IQCM: variants seen among roughly 807,000 people sequenced by gnomAD.
IQCM encodes IQ motif containing M.
IQCM carries 45 observed loss-of-function variants against 57.6 expected under a neutral mutation model. The ratio of observed to expected loss-of-function variants is 0.78; its 90% CI spans 0.62 to 1.00. IQCM has a LOEUF of 1.00. Ranked by LOEUF, IQCM falls within the 50% of genes least tolerant of loss-of-function variation. The probability of loss-of-function intolerance (pLI) is 0.00; values close to 1 mark genes in which losing one functional copy is unlikely to be tolerated. For missense variants in IQCM, 468 were observed against 511.6 expected, an observed-to-expected ratio of 0.91 and a Z score of 0.82; for synonymous variants, 148 against 158.9, an observed-to-expected ratio of 0.93 and a Z score of 0.51.
intron 2 of IQCM, among the ~76,000 whole-genome samples, chr4:149,748,495 C>CT (rs1028822837): frequency 3.3e-5 from 5 of 152,102 alleles, no homozygotes; most frequent in Non-Finnish European, 7.4e-5. Context: ...AAAATTCTTA[C>CT]TTTTTTTGGC....
chr4:149,686,334 G>A (rs1442669972), intron 6 of IQCM, 44 bp downstream of exon 6: 1 of 934,134 alleles, frequency 1.1e-6, no homozygotes, highest in Non-Finnish European at 1.4e-6. Context: ...TGGCAAAGTA[G>A]AAGAAAATAT....
At chr4:149,726,212 A>G (rs1344911727) in intron 5 of IQCM, among the ~76,000 whole-genome samples, 1 of 152,050 alleles carries the variant, frequency 6.6e-6, no homozygotes, top group African/African-American at 2.4e-5. Context: ...TCCAAATTTG[A>G]TTATTTCACC....
chr4:149,459,027 G>A (rs1737996780), intron 12 of IQCM, among the ~76,000 whole-genome samples: 1 of 152,180 alleles, frequency 6.6e-6, no homozygotes, highest in Non-Finnish European at 1.5e-5. Context: ...CAGTGGGGGT[G>A]TGAATCCCTG....
intron 7 of IQCM, among the ~76,000 whole-genome samples, chr4:149,622,252 G>T (rs1224319738): frequency 6.6e-6 from 1 of 151,838 alleles, no homozygotes; most frequent in African/African-American, 2.4e-5. Flanking sequence ...TCAGTCAAGA[G>T]TCTCTGCACT....
chr4:149,358,192 A>T (rs376140939), intron 13 of IQCM, among the ~76,000 whole-genome samples: 1 of 152,058 alleles, frequency 6.6e-6, no homozygotes, highest in Non-Finnish European at 1.5e-5. Context: ...TTTTCAAAAA[A>T]CCAGCTCCTG....
At chr4:149,529,712 CTG>C (rs1248046839) in intron 12 of IQCM, among the ~76,000 whole-genome samples, 1 of 152,194 alleles carries the variant, frequency 6.6e-6, no homozygotes, top group African/African-American at 2.4e-5. Flanking sequence ...TCATCATACC[CTG>C]TAAACCCACT....
chr4:149,712,945 G>C (rs1253815072), intron 5 of IQCM, among the ~76,000 whole-genome samples: 1 of 152,094 alleles, frequency 6.6e-6, no homozygotes, highest in Non-Finnish European at 1.5e-5. Context: ...GGCCTTATCA[G>C]GAGAAAATGT....
chr4:149,352,099 AT>A (rs1728623243), intron 13 of IQCM, 33 bp from the exon 14 acceptor site: 1 of 398,822 alleles, frequency 2.5e-6, no homozygotes, highest in East Asian at 3.6e-5. Context: ...ACATTAATAT[AT>A]TTTCAATTAA....
intron 12 of IQCM, among the ~76,000 whole-genome samples, chr4:149,508,045 G>A (rs1276919893): frequency 6.6e-6 from 1 of 151,886 alleles, no homozygotes; most frequent in Non-Finnish European, 1.5e-5. Context: ...CTTCCACATG[G>A]TGTTGAACCT....
At position 149,431,559 on chromosome 4, in the gene IQCM, A is replaced by C. The variant is rs142038785; in HGVS notation, c.1390+1837T>G. On this transcript the variant is annotated intron_variant, in intron 13 of 13. Coordinates refer to ENST00000636793, the MANE Select transcript of IQCM (RefSeq NM_001363507.2). ...ATTCTATGGGTTTTGACTTATTTAT[A>C]ATTATGTCATCGCTATCATAATCAA... Among the ~76,000 whole-genome samples the C allele has an allele frequency of 1.7e-3, 255 of 152,064 alleles. 2 individuals carry two copies. Among genetic ancestry groups the C allele is most frequent in the Middle Eastern group, 0.014 (4 of 294 alleles).
At chr4:149,410,908 G>A (rs1032572324) in intron 13 of IQCM, among the ~76,000 whole-genome samples, 26 of 151,926 alleles carry the variant, frequency 1.7e-4, no homozygotes, top group African/African-American at 6.0e-4. Context: ...TTTTTATATT[G>A]GATATGTATA....
At chr4:149,709,183 C>T (rs189587600) in intron 5 of IQCM, among the ~76,000 whole-genome samples, 61 of 152,160 alleles carry the variant, frequency 4.0e-4, no homozygotes, top group Admixed American at 6.6e-4. Flanking sequence ...TGGGTATCAA[C>T]GTAGCTTGAA....
intron 5 of IQCM, among the ~76,000 whole-genome samples, chr4:149,724,320 ACAAAGT>A (rs1765703433): frequency 6.6e-6 from 1 of 152,082 alleles, no homozygotes; most frequent in Non-Finnish European, 1.5e-5. Context: ...AAATCACAGC[ACAAAGT>A]CATTTTTTTC....
At chr4:149,611,510 G>A (rs1755286711) in intron 8 of IQCM, among the ~76,000 whole-genome samples, 1 of 152,066 alleles carries the variant, frequency 6.6e-6, no homozygotes, top group Non-Finnish European at 1.5e-5. Context: ...ACATAAAAAG[G>A]ATGAAATCCT....
chr4:149,408,346 A>G (rs1259198372), intron 13 of IQCM, among the ~76,000 whole-genome samples: 1 of 152,210 alleles, frequency 6.6e-6, no homozygotes, highest in Non-Finnish European at 1.5e-5. Flanking sequence ...ACGAAGCATA[A>G]ATATTGATAA....
At chr4:149,361,701 A>C (rs1282824997) in intron 13 of IQCM, among the ~76,000 whole-genome samples, 1 of 152,202 alleles carries the variant, frequency 6.6e-6, no homozygotes, top group African/African-American at 2.4e-5. Flanking sequence ...GATGTATGGA[A>C]ATGCCTAGAA....
chr4:149,492,726 G>T (rs549784246), intron 12 of IQCM, among the ~76,000 whole-genome samples: 1 of 152,204 alleles, frequency 6.6e-6, no homozygotes, highest in South Asian at 2.1e-4. Context: ...AACCCTGTTT[G>T]CCCTAGAGAC....
At chr4:149,783,729 C>T (rs1277378481) in intron 2 of IQCM, among the ~76,000 whole-genome samples, 8 of 152,142 alleles carry the variant, frequency 5.3e-5, no homozygotes, top group African/African-American at 1.9e-4. Flanking sequence ...TCTCATCAGA[C>T]TAGAGAGAGA....
chr4:149,406,692 A>G (rs1733002561), intron 13 of IQCM, among the ~76,000 whole-genome samples: 2 of 152,184 alleles, frequency 1.3e-5, no homozygotes, highest in Admixed American at 1.3e-4. Flanking sequence ...TTATTTATTG[A>G]TGAATTCCTT....
Sources: gnomAD v4.1 joint callset for allele counts (sites outside exome capture counted in the v4.1 genomes callset) on GRCh38, gnomAD v4.1.1 for gene constraint, MANE v1.5 for transcripts, NCBI Gene and HGNC (gene_info 2026-07-23, HGNC 2026-07-21) for gene names.